Variants in RAD51B observed in about 807,000 individuals in gnomAD.
RAD51B encodes DNA repair protein RAD51 homolog 2.
Under a neutral mutation model 42.2 loss-of-function variants are expected in RAD51B, and 38 were observed. That is an observed-to-expected ratio of 0.90 (90% CI 0.70 to 1.18). The LOEUF (loss-of-function observed/expected upper bound fraction) is 1.18. Ranked by LOEUF, RAD51B falls within the 50% of genes most tolerant of loss-of-function variation. RAD51B has a pLI of 0.00. For missense variants in RAD51B, 373 were observed against 400.7 expected, an observed-to-expected ratio of 0.93 and a Z score of 0.59; for synonymous variants, 154 against 145.2, an observed-to-expected ratio of 1.06 and a Z score of -0.43.
intron 9 of RAD51B, chr14:68,422,169 A>T (rs1386734304): frequency 4.7e-6 from 6 of 1,267,602 alleles, no homozygotes; most frequent in Non-Finnish European, 1.2e-6. Flanking sequence ...TCGACGGCAA[A>T]TTCAAAGAAC....
intron 7 of RAD51B, among the ~76,000 whole-genome samples, chr14:68,277,402 C>T (rs1322936295): frequency 2.6e-5 from 4 of 152,160 alleles, no homozygotes; most frequent in African/African-American, 7.2e-5. Context: ...ATTCTTTCAC[C>T]GTCAGTCTGC....
intron 10 of RAD51B, among the ~76,000 whole-genome samples, chr14:68,592,801 C>T (rs1048006520): frequency 3.3e-5 from 5 of 152,252 alleles, no homozygotes; most frequent in Non-Finnish European, 4.4e-5. Context: ...TGATTCCCTT[C>T]GGCAAATGTG....
At chr14:68,103,286 T>A (rs2077321896) in intron 7 of RAD51B, among the ~76,000 whole-genome samples, 1 of 152,230 alleles carries the variant, frequency 6.6e-6, no homozygotes, top group African/African-American at 2.4e-5. Flanking sequence ...ATGTATTCCC[T>A]GTATAATTCA....
chr14:68,641,414 C>T (rs1009314717), intron 10 of RAD51B, among the ~76,000 whole-genome samples: 3 of 152,074 alleles, frequency 2.0e-5, no homozygotes, highest in African/African-American at 7.2e-5. Flanking sequence ...AGTTTTCTTT[C>T]TTCCTTCTGA....
intron 11 of RAD51B, among the ~76,000 whole-genome samples, chr14:68,671,880 C>T (rs1893166322): frequency 6.6e-6 from 1 of 152,010 alleles, no homozygotes; most frequent in Non-Finnish European, 1.5e-5. Context: ...TAATGTTCAG[C>T]AAAAACTGCG....
chr14:68,518,559 C>A (rs918943863), intron 10 of RAD51B, among the ~76,000 whole-genome samples: 2 of 150,706 alleles, frequency 1.3e-5, no homozygotes, highest in Admixed American at 6.6e-5. Context: ...TATGAGCCCC[C>A]CCCCCAGGCC....
chr14:68,650,765 C>T (rs1892683678), intron 10 of RAD51B: 1 of 752,786 alleles, frequency 1.3e-6, no homozygotes, highest in Non-Finnish European at 2.4e-6. Context: ...AACCTATTTA[C>T]TTTTTGTTTA....
At chr14:67,923,191 G>C (rs1197107796) in intron 7 of RAD51B, among the ~76,000 whole-genome samples, 2 of 151,970 alleles carry the variant, frequency 1.3e-5, no homozygotes, top group Non-Finnish European at 2.9e-5. Flanking sequence ...TGCTGTGAAT[G>C]CCATTGTTTC....
rs184251573 is a variant in RAD51B, at chr14:68,367,642, G to A, written c.854-43782G>A. Among the ~76,000 whole-genome samples the A allele has an allele frequency of 2.0e-4, 30 of 152,304 alleles. 1 individual carries two copies. The East Asian group carries it at 5.8e-3, about 29-fold the overall frequency. On this transcript the variant is annotated intron_variant, in intron 8 of 10. Transcript: ENST00000471583. ...TAACGAGAGATGAGTCGACAGCACAGGAAAATAAAGAAGAGTATTCCAGGC... is the reference window on the plus strand; with the variant it reads ...TAACGAGAGATGAGTCGACAGCACAAGAAAATAAAGAAGAGTATTCCAGGC...
intron 7 of RAD51B, among the ~76,000 whole-genome samples, chr14:68,246,596 C>G (rs1325592370): frequency 2.6e-5 from 4 of 152,180 alleles, no homozygotes; most frequent in Non-Finnish European, 4.4e-5. Flanking sequence ...GAGTTATCTT[C>G]TTTACTGGCA....
chr14:67,959,946 G>A (rs2074627738), intron 7 of RAD51B, among the ~76,000 whole-genome samples: 1 of 152,084 alleles, frequency 6.6e-6, no homozygotes, highest in South Asian at 2.1e-4. Flanking sequence ...GCTGGCCATG[G>A]TGGTGGTGGG....
intron 7 of RAD51B, among the ~76,000 whole-genome samples, chr14:68,121,998 A>C (rs1343420948): frequency 1.3e-5 from 2 of 152,030 alleles, no homozygotes; most frequent in Non-Finnish European, 2.9e-5. Flanking sequence ...TGCATATCAC[A>C]ATAAACACTG....
intron 7 of RAD51B, among the ~76,000 whole-genome samples, chr14:68,015,609 T>A (rs1430945073): frequency 6.6e-6 from 1 of 152,112 alleles, no homozygotes; most frequent in Non-Finnish European, 1.5e-5. Context: ...GGAGACTTAT[T>A]CACTATCATG....
intron 7 of RAD51B, among the ~76,000 whole-genome samples, chr14:68,028,901 CACAGAGG>C (rs1456560320): frequency 4.6e-5 from 7 of 152,224 alleles, no homozygotes; most frequent in Non-Finnish European, 8.8e-5. Flanking sequence ...CTCTCCCACG[CACAGAGG>C]TCCTTGGCTC....
At chr14:68,374,618 T>G (rs1370419092) in intron 8 of RAD51B, among the ~76,000 whole-genome samples, 2 of 151,974 alleles carry the variant, frequency 1.3e-5, no homozygotes, top group Non-Finnish European at 2.9e-5. Context: ...GGTGGGGTTA[T>G]AGCTTTCCAT....
At chr14:68,503,088 G>A (rs891298710) in intron 10 of RAD51B, among the ~76,000 whole-genome samples, 3 of 152,206 alleles carry the variant, frequency 2.0e-5, no homozygotes, top group Non-Finnish European at 2.9e-5. Flanking sequence ...CATGGAGCCT[G>A]CAGTTTGATC....
At position 68,561,642 on chromosome 14, in the gene RAD51B, G is replaced by C. The variant is rs148656814; in HGVS notation, c.1037-32843G>C. 5.9e-3 allele frequency among the ~76,000 whole-genome samples: 899 copies of C among 152,340 alleles called. 10 individuals are homozygous for C. Among genetic ancestry groups the C allele is most frequent in the African/African-American group, 0.021 (854 of 41,570 alleles). Reference sequence around the variant, plus strand: ...CTTCTCAGGGACCAGCAGCGTGAGGGTTCCACGTGGCAACGCTGCTGGAGA... The same window carrying C: ...CTTCTCAGGGACCAGCAGCGTGAGGCTTCCACGTGGCAACGCTGCTGGAGA... On this transcript the variant is annotated intron_variant, in intron 10 of 10. Coordinates refer to the RAD51B transcript ENST00000487270.
intron 11 of RAD51B, among the ~76,000 whole-genome samples, chr14:68,661,309 C>G (rs2140146152): frequency 6.6e-6 from 1 of 152,330 alleles, no homozygotes; most frequent in East Asian, 1.9e-4. Flanking sequence ...GAACAGGAGA[C>G]AGACCAGAGC....
At chr14:68,359,726 T>C (rs1261053902) in intron 8 of RAD51B, among the ~76,000 whole-genome samples, 1 of 152,114 alleles carries the variant, frequency 6.6e-6, no homozygotes. Context: ...TTGCTGAAAG[T>C]TGTGTGTTGT....
Sources: gnomAD v4.1 joint callset for allele counts (sites outside exome capture counted in the v4.1 genomes callset) on GRCh38, gnomAD v4.1.1 for gene constraint, MANE v1.5 for transcripts, NCBI Gene and HGNC (gene_info 2026-07-23, HGNC 2026-07-21) for gene names.